The following TRIQK variants were observed in gnomAD, a reference collection of about 807,000 sequenced individuals.
TRIQK encodes triple QxxK/R motif-containing protein.
TRIQK carries 10 observed loss-of-function variants against 10.8 expected under a neutral mutation model. That is an observed-to-expected ratio of 0.92 (90% CI 0.57 to 1.57). TRIQK has a LOEUF of 1.57. Among genes scored for constraint, TRIQK ranks in the 40% most tolerant of loss-of-function variants. The pLI, the probability that TRIQK is intolerant of heterozygous loss-of-function variation, is 0.00. For missense variants in TRIQK, 107 were observed against 97.7 expected, an observed-to-expected ratio of 1.09 and a Z score of -0.40; for synonymous variants, 33 against 33.7, an observed-to-expected ratio of 0.98 and a Z score of 0.07.
intron 2 of TRIQK, among the ~76,000 whole-genome samples, chr8:92,931,133 G>T (rs572436431): frequency 1.0e-3 from 158 of 152,154 alleles, no homozygotes; most frequent in African/African-American, 3.7e-3. Context: ...TAGCCCAAAT[G>T]TTAATTGCAT....
intron 3 of TRIQK, among the ~76,000 whole-genome samples, chr8:92,912,534 A>C (rs1027957876): frequency 2.6e-5 from 4 of 151,916 alleles, no homozygotes; most frequent in African/African-American, 9.7e-5. Flanking sequence ...CCTAAGCACA[A>C]AGTTGCCAGG....
At chr8:92,960,121 G>C (rs1320560286) in intron 1 of TRIQK, among the ~76,000 whole-genome samples, 1 of 151,706 alleles carries the variant, frequency 6.6e-6, no homozygotes, top group Non-Finnish European at 1.5e-5. Flanking sequence ...TTTCAGCTCA[G>C]GAAAGTTTTT....
Position 92,952,080 on chromosome 8 carries a change from GA to G in TRIQK, c.-22+2325del, listed in dbSNP as rs112928581. 7.6e-3 allele frequency among the ~76,000 whole-genome samples: 1,076 copies of G among 142,342 alleles called. 14 individuals carry two copies. Among genetic ancestry groups the G allele is most frequent in the African/African-American group, 0.023 (897 of 39,114 alleles). 93.4% of individuals were successfully genotyped at this position (142,342 alleles called of 152,430 possible). The stretch of plus-strand genomic sequence containing the variant: ...AAAAATTACAAGGCATACTAAAAGG[GA>G]AAAAAAAAAACACAATTTGAAGAGA... On this transcript the variant is annotated intron_variant, in intron 2 of 4. Transcript: ENST00000521988.
intron 1 of TRIQK, among the ~76,000 whole-genome samples, chr8:92,997,427 A>C (rs569728217): frequency 6.6e-6 from 1 of 152,184 alleles, no homozygotes; most frequent in South Asian, 2.1e-4. Context: ...TAGGTTACAA[A>C]GTACTTTGAG....
intron 1 of TRIQK, among the ~76,000 whole-genome samples, chr8:92,992,272 G>T (rs1466212748): frequency 6.6e-6 from 1 of 152,168 alleles, no homozygotes; most frequent in African/African-American, 2.4e-5. Context: ...GCCTCTGAAG[G>T]AGGAGGAAGA....
At chr8:92,930,735 G>T (rs1810680726) in intron 2 of TRIQK, among the ~76,000 whole-genome samples, 2 of 152,032 alleles carry the variant, frequency 1.3e-5, no homozygotes, top group South Asian at 4.1e-4. Flanking sequence ...AATTGAAAAC[G>T]GGGTTATGAT....
intron 2 of TRIQK, among the ~76,000 whole-genome samples, chr8:92,947,165 A>G (rs1304868477): frequency 6.6e-6 from 1 of 152,126 alleles, no homozygotes; most frequent in Admixed American, 6.6e-5. Context: ...ACAAAAATCT[A>G]GTTATTAAGA....
intron 2 of TRIQK, among the ~76,000 whole-genome samples, chr8:92,944,819 A>T (rs1811438444): frequency 6.6e-6 from 1 of 152,204 alleles, no homozygotes; most frequent in South Asian, 2.1e-4. Flanking sequence ...GTTAACAAAT[A>T]TGGTATTGTA....
chr8:92,901,676 A>G (rs1044952517), intron 3 of TRIQK, among the ~76,000 whole-genome samples: 10 of 152,146 alleles, frequency 6.6e-5, no homozygotes, highest in African/African-American at 2.4e-4. Context: ...TTTTGCATCA[A>G]TGTTCATTAG....
intron 1 of TRIQK, among the ~76,000 whole-genome samples, chr8:92,987,530 A>G (rs1586523388): frequency 1.3e-5 from 2 of 152,186 alleles, no homozygotes; most frequent in African/African-American, 2.4e-5. Flanking sequence ...AATGGGTACT[A>G]TTATTGTCTT....
chr8:92,959,722 A>C (rs1220470573), intron 1 of TRIQK, among the ~76,000 whole-genome samples: 5 of 152,122 alleles, frequency 3.3e-5, no homozygotes, highest in African/African-American at 4.8e-5. Context: ...ATTGTAAATC[A>C]AACCATCTTA....
Position 92,941,607 on chromosome 8 carries a change from C to A in TRIQK, c.-22+12799G>T, listed in dbSNP as rs139974043. Among the ~76,000 whole-genome samples the A allele has an allele frequency of 6.8e-4, 103 of 151,852 alleles. No homozygotes were observed. In the East Asian group the frequency reaches 0.019, roughly 27 times the overall value. On this transcript the variant is annotated intron_variant, in intron 2 of 4. Transcript: ENST00000521988. ...AAAATCAGAGCAGAAATAAATAAAA[C>A]AGAAACTAAAAAAATACAAAAAGTC... is the stretch of plus-strand genomic sequence containing the variant.
intron 2 of TRIQK, among the ~76,000 whole-genome samples, chr8:92,919,994 T>G (rs1810088496): frequency 6.6e-6 from 1 of 151,808 alleles, no homozygotes; most frequent in African/African-American, 2.4e-5. Flanking sequence ...TCTTTTTTGT[T>G]TCCCATTTTA....
At chr8:92,909,182 A>G (rs1040298703) in intron 3 of TRIQK, among the ~76,000 whole-genome samples, 8 of 152,100 alleles carry the variant, frequency 5.3e-5, no homozygotes, top group Admixed American at 2.6e-4. Context: ...AATGGCCTGC[A>G]TTTTAACACC....
chr8:92,991,086 C>T (rs1322867561), intron 1 of TRIQK, among the ~76,000 whole-genome samples: 1 of 152,140 alleles, frequency 6.6e-6, no homozygotes, highest in Admixed American at 6.5e-5. Flanking sequence ...TCCACTATTA[C>T]TAAGGCTTGA....
chr8:92,967,307 G>A (rs539432190), upstream of TRIQK, among the ~76,000 whole-genome samples: 85 of 151,470 alleles, frequency 5.6e-4, no homozygotes, highest in African/African-American at 2.0e-3. Context: ...AAAAAAAAAA[G>A]AGTACCTCTG....
chr8:92,979,719 C>G lies in TRIQK; in HGVS notation c.-180-25155G>C, dbSNP rs543173423. ...TTTATAGTTTTCTTAATGGCAACTACTACATTTTACTATATTTTCTAATTG... is the reference window on the plus strand; with the variant it reads ...TTTATAGTTTTCTTAATGGCAACTAGTACATTTTACTATATTTTCTAATTG... On this transcript the variant is annotated intron_variant, in intron 1 of 4. Coordinates refer to the TRIQK transcript ENST00000520686. Among the ~76,000 whole-genome samples the G allele has an allele frequency of 4.6e-5, 7 of 152,082 alleles. No homozygotes were observed. In the South Asian group the frequency reaches 1.4e-3, roughly 32 times the overall value.
At chr8:92,939,859 A>G (rs1301504772) in intron 2 of TRIQK, among the ~76,000 whole-genome samples, 2 of 152,204 alleles carry the variant, frequency 1.3e-5, no homozygotes, top group South Asian at 2.1e-4. Context: ...CCTAAGGAGC[A>G]TAGCCTCAGG....
chr8:93,002,560 AAGT>A (rs1195579283), intron 1 of TRIQK, among the ~76,000 whole-genome samples: 1 of 152,196 alleles, frequency 6.6e-6, no homozygotes, highest in East Asian at 1.9e-4. Context: ...AATTATGAAA[AAGT>A]AGAAAATCTG....
Sources: allele counts gnomAD v4.1 joint callset (sites outside exome capture counted in the v4.1 genomes callset), GRCh38; gene constraint gnomAD v4.1.1; transcripts MANE v1.5; gene names NCBI Gene and HGNC (gene_info 2026-07-23, HGNC 2026-07-21).